Variants in PTPRK observed in about 807,000 individuals in gnomAD.
PTPRK encodes protein tyrosine phosphatase receptor type K.
Under a neutral mutation model 178.0 loss-of-function variants are expected in PTPRK, and 75 were observed. That is an observed-to-expected ratio of 0.42 (90% CI 0.35 to 0.51). The LOEUF (loss-of-function observed/expected upper bound fraction) is 0.51, where lower values mean the gene tolerates loss of function less well. PTPRK is among the 20% of genes least tolerant of loss of function. The pLI is 0.02. For synonymous variants in PTPRK, 637 were observed against 620.6 expected, an observed-to-expected ratio of 1.03 and a Z score of -0.39; for missense variants, 1,441 against 1,797.8, an observed-to-expected ratio of 0.80 and a Z score of 3.59.
intron 2 of PTPRK, among the ~76,000 whole-genome samples, chr6:128,323,940 T>C (rs1251448139): frequency 6.6e-6 from 1 of 152,124 alleles, no homozygotes; most frequent in Non-Finnish European, 1.5e-5. Flanking sequence ...TTAAAAAGGA[T>C]ATCCTGGATC....
intron 3 of PTPRK, among the ~76,000 whole-genome samples, chr6:128,253,999 ATAAG>A (rs1328689264): frequency 8.5e-5 from 13 of 152,282 alleles, no homozygotes; most frequent in South Asian, 4.1e-4. Context: ...AGATATATTA[ATAAG>A]TAATTGTTTT....
intron 2 of PTPRK, among the ~76,000 whole-genome samples, chr6:128,346,535 A>AT (rs1220880138): frequency 1.3e-5 from 2 of 152,126 alleles, no homozygotes; most frequent in Non-Finnish European, 2.9e-5. Flanking sequence ...GAATTGCTTT[A>AT]TTTTTTAGTT....
intron 7 of PTPRK, among the ~76,000 whole-genome samples, chr6:128,178,537 A>C (rs879388154): frequency 4.5e-4 from 68 of 151,952 alleles, no homozygotes; most frequent in Admixed American, 4.6e-4. Context: ...CACTTATAAC[A>C]TATCTTTAAA....
intron 1 of PTPRK, among the ~76,000 whole-genome samples, chr6:128,503,908 GC>G (rs1855932759): frequency 6.7e-6 from 1 of 148,876 alleles, no homozygotes; most frequent in Non-Finnish European, 1.5e-5. Context: ...TTGCTATTTT[GC>G]CTACCAGACT....
chr6:128,236,398 G>T (rs1813279363), intron 5 of PTPRK, among the ~76,000 whole-genome samples: 1 of 146,272 alleles, frequency 6.8e-6, no homozygotes. Flanking sequence ...ACCCAGGCTG[G>T]AGTGCAGTGG....
chr6:128,442,387 C>A (rs1008099450), intron 1 of PTPRK, among the ~76,000 whole-genome samples: 2 of 152,058 alleles, frequency 1.3e-5, no homozygotes, highest in Admixed American at 6.6e-5. Context: ...GATCTAAGTC[C>A]AACATCTAAC....
At position 128,519,776 on chromosome 6, in the gene PTPRK, G is replaced by A. The variant is rs1018884682; in HGVS notation, c.100+483C>T. 1.3e-5 allele frequency among the ~76,000 whole-genome samples: 2 copies of A among 152,210 alleles called. No homozygotes were observed. Among genetic ancestry groups the A allele is most frequent in the Non-Finnish European group, 2.9e-5 (2 of 68,038 alleles). ...CGGGGAAGTAGTTAGACAATAGTCA[G>A]GGGAGGTTATTCCCGGGACAAAAAG... On this transcript the variant is annotated intron_variant, in intron 1 of 29. Coordinates refer to ENST00000368226, the MANE Select transcript of PTPRK (RefSeq NM_002844.4). This position sits in a 1 kb window ranked among gnomAD's most constrained non-coding sequence, Gnocchi z 4.3.
At chr6:127,975,386 CCT>C (rs1491047958) in intron 27 of PTPRK, among the ~76,000 whole-genome samples, 3 of 152,122 alleles carry the variant, frequency 2.0e-5, no homozygotes, top group African/African-American at 4.8e-5. Context: ...TTGAAGTTAT[CCT>C]TTTTTTCTCC....
intron 5 of PTPRK, chr6:128,232,058 C>G (rs1371017025): frequency 1.3e-5 from 2 of 152,204 alleles, no homozygotes; most frequent in Admixed American, 6.5e-5. Context: ...CCACCGTGGT[C>G]TAGTACCAAC....
rs142670726 is a variant in PTPRK at position 128,205,955 on chromosome 6, T to G, written c.868+12967A>C. Among the ~76,000 whole-genome samples, 902 of 152,136 alleles carry G rather than the reference T, an allele frequency of 5.9e-3. 3 individuals are homozygous for G. The highest frequency in any genetic ancestry group is 0.02 in the Middle Eastern group (6 of 294). Reference sequence around the variant, plus strand: ...GTAACTGAATCTGGAATAGACTTTCTTAGTTAGAAATACAAAAACATAAAC... The same window carrying G: ...GTAACTGAATCTGGAATAGACTTTCGTAGTTAGAAATACAAAAACATAAAC... On this transcript the variant is annotated intron_variant, in intron 6 of 29. Coordinates refer to ENST00000368226, the MANE Select transcript of PTPRK (RefSeq NM_002844.4).
intron 3 of PTPRK, among the ~76,000 whole-genome samples, chr6:128,275,662 G>T (rs1211468789): frequency 6.6e-6 from 1 of 152,008 alleles, no homozygotes; most frequent in Non-Finnish European, 1.5e-5. Flanking sequence ...AACTCTATTT[G>T]AAGTTATACA....
At chr6:128,061,733 G>C (rs1373080874) in intron 13 of PTPRK, among the ~76,000 whole-genome samples, 1 of 152,108 alleles carries the variant, frequency 6.6e-6, no homozygotes, top group East Asian at 1.9e-4. Context: ...TCGTCTGATA[G>C]AAGGAAACCT....
At chr6:128,389,272 T>C (rs756341146) in intron 2 of PTPRK, among the ~76,000 whole-genome samples, 27 of 152,046 alleles carry the variant, frequency 1.8e-4, no homozygotes, top group Non-Finnish European at 1.8e-4. Context: ...GCATCTTTTA[T>C]ATGTAATGAT....
At chr6:128,259,315 C>A (rs1320779183) in intron 3 of PTPRK, among the ~76,000 whole-genome samples, 1 of 152,084 alleles carries the variant, frequency 6.6e-6, no homozygotes, top group Non-Finnish European at 1.5e-5. Context: ...AGCTCAAAAC[C>A]ACTAAACTAA....
intron 1 of PTPRK, among the ~76,000 whole-genome samples, chr6:128,505,567 C>A (rs538329516): frequency 1.5e-4 from 23 of 152,212 alleles, no homozygotes; most frequent in Non-Finnish European, 2.6e-4. Context: ...CACAAAGTTG[C>A]AAATATTGTA....
chr6:128,275,709 T>C (rs1302822573), intron 3 of PTPRK, among the ~76,000 whole-genome samples: 1 of 152,034 alleles, frequency 6.6e-6, no homozygotes, highest in Non-Finnish European at 1.5e-5. Flanking sequence ...GAGGTTCTAA[T>C]ACTTGTTTGA....
chr6:128,445,100 C>T (rs893276925), intron 1 of PTPRK, among the ~76,000 whole-genome samples: 1 of 150,208 alleles, frequency 6.7e-6, no homozygotes, highest in East Asian at 1.9e-4. Context: ...TGCGGTAGCT[C>T]ATGCCTGTAA....
intron 1 of PTPRK, among the ~76,000 whole-genome samples, chr6:128,513,961 G>A (rs945000119): frequency 6.6e-6 from 1 of 152,116 alleles, no homozygotes; most frequent in Non-Finnish European, 1.5e-5. Context: ...TCAAGGAACT[G>A]TTGCCAGTCT....
intron 17 of PTPRK, among the ~76,000 whole-genome samples, chr6:127,996,091 C>T (rs1777116818): frequency 6.6e-6 from 1 of 152,028 alleles, no homozygotes; most frequent in South Asian, 2.1e-4. Context: ...CTTTACTGAT[C>T]CTGTGGTTTT....
Sources: allele counts gnomAD v4.1 joint callset (sites outside exome capture counted in the v4.1 genomes callset), GRCh38; gene constraint gnomAD v4.1.1; non-coding constraint Gnocchi (gnomAD v3.1); transcripts MANE v1.5; gene names NCBI Gene and HGNC (gene_info 2026-07-23, HGNC 2026-07-21).